The following PLCB4 variants were observed in gnomAD, a reference collection of about 807,000 sequenced individuals.
PLCB4 encodes the protein phospholipase C beta 4.
A neutral mutation model predicts 178.8 loss-of-function variants in PLCB4; 77 were observed. That is an observed-to-expected ratio of 0.43 (90% CI 0.36 to 0.52). PLCB4 has a LOEUF of 0.52. PLCB4 is among the 20% of genes least tolerant of loss of function. The pLI, the probability that PLCB4 is intolerant of heterozygous loss-of-function variation, is 0.00. For synonymous variants in PLCB4, 496 were observed against 490.8 expected (o/e 1.01, Z -0.14); for missense variants, 1,024 against 1,453.4 (o/e 0.70, Z 4.80).
intron 19 of PLCB4, among the ~76,000 whole-genome samples, chr20:9,395,826 G>T (rs570157456): frequency 2.0e-5 from 3 of 152,142 alleles, no homozygotes; most frequent in South Asian, 4.2e-4. Flanking sequence ...TAAAATATTA[G>T]CCAGACGTGG....
At chr20:9,085,656 G>A (rs2090374859) in intron 1 of PLCB4, among the ~76,000 whole-genome samples, 1 of 152,156 alleles carries the variant, frequency 6.6e-6, no homozygotes, top group Admixed American at 6.5e-5. Flanking sequence ...CTGCCTTGCT[G>A]ACACCTACTT....
At chr20:9,455,025 A>G (rs1352973615) in intron 33 of PLCB4, among the ~76,000 whole-genome samples, 3 of 152,216 alleles carry the variant, frequency 2.0e-5, no homozygotes, top group Admixed American at 2.0e-4. Flanking sequence ...CAATATTGGT[A>G]GTGATTACAG....
intron 26 of PLCB4, 70 bp downstream of exon 26, chr20:9,419,979 T>G: frequency 1.1e-6 from 1 of 927,214 alleles, no homozygotes; most frequent in African/African-American, 1.6e-5. Context: ...AATTATAAAA[T>G]ATTGAATGTT....
At chr20:9,182,104 A>C (rs906206097) in intron 2 of PLCB4, among the ~76,000 whole-genome samples, 1 of 152,172 alleles carries the variant, frequency 6.6e-6, no homozygotes, top group South Asian at 2.1e-4. Context: ...ATGTTCAAAA[A>C]ATAAGTTTTG....
At chr20:9,211,800 A>T (rs1428565831) in intron 2 of PLCB4, among the ~76,000 whole-genome samples, 1 of 152,242 alleles carries the variant, frequency 6.6e-6, no homozygotes, top group Admixed American at 6.5e-5. Context: ...GCTAATGCCC[A>T]TGCATTCTAC....
At chr20:9,438,294 A>G (rs887928590) in intron 30 of PLCB4, among the ~76,000 whole-genome samples, 24 of 149,788 alleles carry the variant, frequency 1.6e-4, no homozygotes, top group African/African-American at 5.6e-4. Context: ...TGAGCCCGGG[A>G]GGCGGAGCTT....
At chr20:9,171,704 G>C (rs1450161238) in intron 2 of PLCB4, among the ~76,000 whole-genome samples, 1 of 152,168 alleles carries the variant, frequency 6.6e-6, no homozygotes, top group Non-Finnish European at 1.5e-5. Flanking sequence ...GGTTGCAACA[G>C]TATCTGAGAC....
At chr20:9,221,236 A>G (rs1331841355) in intron 3 of PLCB4, among the ~76,000 whole-genome samples, 2 of 152,090 alleles carry the variant, frequency 1.3e-5, no homozygotes, top group Non-Finnish European at 2.9e-5. Context: ...TGCTCCCTAG[A>G]GTCTGTTCCA....
chr20:9,303,653 T>C (rs1468365095), intron 3 of PLCB4, among the ~76,000 whole-genome samples: 1 of 152,100 alleles, frequency 6.6e-6, no homozygotes, highest in African/African-American at 2.4e-5. Flanking sequence ...AACATGGGAG[T>C]GCAGATATCT....
intron 2 of PLCB4, among the ~76,000 whole-genome samples, chr20:9,170,847 G>A (rs2093052440): frequency 6.6e-6 from 1 of 152,164 alleles, no homozygotes; most frequent in Admixed American, 6.6e-5. Flanking sequence ...ATGGCCTGGA[G>A]GCAGAAAGTT....
At chr20:9,450,359 A>G (rs889089381) in intron 32 of PLCB4, among the ~76,000 whole-genome samples, 4 of 152,192 alleles carry the variant, frequency 2.6e-5, no homozygotes, top group Admixed American at 2.0e-4. Flanking sequence ...GAAATCAGTA[A>G]TTAGGATCCC....
At chr20:9,100,236 A>G (rs952525695) in intron 2 of PLCB4, among the ~76,000 whole-genome samples, 6 of 152,228 alleles carry the variant, frequency 3.9e-5, no homozygotes, top group Non-Finnish European at 8.8e-5. Context: ...TAGGTGAAAC[A>G]GAGTTAGTTA....
chr20:9,280,173 G>A (rs1182239381), intron 3 of PLCB4, among the ~76,000 whole-genome samples: 2 of 152,030 alleles, frequency 1.3e-5, no homozygotes, highest in Admixed American at 1.3e-4. Context: ...GGGCTGTGGG[G>A]TTTCTAGGAA....
chr20:9,113,413 A>C (rs2091656491), intron 2 of PLCB4, among the ~76,000 whole-genome samples: 1 of 152,160 alleles, frequency 6.6e-6, no homozygotes, highest in Non-Finnish European at 1.5e-5. Context: ...CGGGATGTGT[A>C]GTCTACATTC....
chr20:9,435,497 T>G, intron 28 of PLCB4, 63 bp from the exon 29 acceptor site: 1 of 959,756 alleles, frequency 1.0e-6, no homozygotes, highest in Non-Finnish European at 1.7e-6. Context: ...TTAAGCAGAG[T>G]TTTAATGAAT....
intron 2 of PLCB4, among the ~76,000 whole-genome samples, chr20:9,208,274 C>G (rs963820320): frequency 2.6e-5 from 4 of 152,186 alleles, no homozygotes; most frequent in Admixed American, 6.5e-5. Context: ...TCAGTCTGCT[C>G]ATCTATAAAC....
chr20:9,107,359 A>G (rs2091404578), intron 2 of PLCB4, among the ~76,000 whole-genome samples: 2 of 152,140 alleles, frequency 1.3e-5, no homozygotes, highest in South Asian at 2.1e-4. Context: ...ATTGTTACTG[A>G]TTATCATTAC....
At chr20:9,241,752 T>A (rs541313476) in intron 3 of PLCB4, among the ~76,000 whole-genome samples, 1 of 152,326 alleles carries the variant, frequency 6.6e-6, no homozygotes, top group South Asian at 2.1e-4. Flanking sequence ...AGCTGAAGCA[T>A]GACCAGAATG....
chr20:9,265,884 C>T (rs2094344702), intron 3 of PLCB4, among the ~76,000 whole-genome samples: 2 of 152,310 alleles, frequency 1.3e-5, no homozygotes, highest in Middle Eastern at 3.4e-3. Context: ...GGCCCCACCA[C>T]AGATTTACTG....
Sources: allele counts gnomAD v4.1 joint callset (sites outside exome capture counted in the v4.1 genomes callset), GRCh38; gene constraint gnomAD v4.1.1; transcripts MANE v1.5; gene names NCBI Gene and HGNC (gene_info 2026-07-23, HGNC 2026-07-21).